Variants in LRP5 observed in about 807,000 individuals in gnomAD.
LRP5 encodes low-density lipoprotein receptor-related protein 5.
Under a neutral mutation model 154.1 loss-of-function variants are expected in LRP5, and 62 were observed. The observed-to-expected ratio is 0.40, with a 90% CI of 0.33 to 0.50. The LOEUF (loss-of-function observed/expected upper bound fraction) is 0.50, where lower values mean the gene tolerates loss of function less well. LRP5 is among the 20% of genes least tolerant of loss of function. The pLI is 0.55. For missense variants in LRP5, 1,915 were observed against 2,336.7 expected (o/e 0.82, Z 3.72); for synonymous variants, 966 against 1,011.5 (o/e 0.96, Z 0.85).
chr11:68,430,994 C>T (rs1324303578), intron 17 of LRP5, among the ~76,000 whole-genome samples: 1 of 152,186 alleles, frequency 6.6e-6, no homozygotes. Flanking sequence ...TGGACCCTGA[C>T]ACGTGATGCA....
intron 5 of LRP5, among the ~76,000 whole-genome samples, chr11:68,376,460 A>G (rs1200497654): frequency 2.0e-5 from 3 of 152,162 alleles, no homozygotes; most frequent in Non-Finnish European, 4.4e-5. Context: ...CTGGGATTAC[A>G]GGCATGAGCC....
At chr11:68,337,057 G>A (rs1343035160) in intron 1 of LRP5, among the ~76,000 whole-genome samples, 1 of 152,258 alleles carries the variant, frequency 6.6e-6, no homozygotes, top group African/African-American at 2.4e-5. Flanking sequence ...AAACGCCAGC[G>A]TTGATCTTTG....
At position 68,446,511 on chromosome 11, in the gene LRP5, C is replaced by T; in HGVS notation, c.4564C>T (p.Pro1522Ser). 6.2e-7 allele frequency: 1 copy of T among 1,614,108 alleles called. No individual in the cohort carries two copies. Among genetic ancestry groups the T allele is most frequent in the Non-Finnish European group, 8.5e-7 (1 of 1,179,972 alleles). The change falls in exon 22 of 23, where the codon CCG becomes TCG. Residue 1522 changes from proline to serine, a missense_variant. This residue lies in a region of LRP5 where 1,094 missense variants were observed against 1,210.1 expected (regional missense o/e 0.90). Transcript: ENST00000294304. The stretch of plus-strand genomic sequence containing the variant: ...GGACATGTTCTACTCTTCAAACATT[C>T]CGGCCACTGCGAGACCGTACAGGTA... ...NMDMFYSSNI[P>S]ATARPYRPYI...
chr11:68,425,800 G>C (rs760302089), intron 15 of LRP5, among the ~76,000 whole-genome samples, 178 bp from the exon 16 acceptor site: 1 of 151,970 alleles, frequency 6.6e-6, no homozygotes, highest in Non-Finnish European at 1.5e-5. Context: ...AGGGCTTTCC[G>C]AGGGCTTGTC....
At chr11:68,385,259 C>T (rs1484270763) in intron 5 of LRP5, among the ~76,000 whole-genome samples, 1 of 152,174 alleles carries the variant, frequency 6.6e-6, no homozygotes, top group East Asian at 1.9e-4. Flanking sequence ...CACTCTGAAC[C>T]CTGTCCACCT....
rs1182683425 is a variant in LRP5 at position 68,312,688 on chromosome 11, C to T, written c.-27C>T. ...CGCCATGGAGCCCGAGTGAGCGCGG[C>T]GCGGGCCCGTCCGGCCGCCGGACAA... On this transcript the variant is annotated 5_prime_UTR_variant, in exon 1 of 23. Transcript: ENST00000294304. The T allele has an allele frequency of 2.0e-6, 2 of 984,328 alleles. No homozygotes were observed. Among genetic ancestry groups the T allele is most frequent in the African/African-American group, 1.8e-5 (1 of 56,312 alleles). 61.0% of individuals were successfully genotyped at this position (984,328 alleles called of 1,614,324 possible).
rs533375680 is a variant in LRP5, at chr11:68,404,883, T to G, written c.1801+1184T>G. Reference sequence around the variant, plus strand: ...TACTCGGGAGGCTGAGGCAGGAGAATGGCGTGAACCCGGGAAGCGGAGCTT... The same window carrying G: ...TACTCGGGAGGCTGAGGCAGGAGAAGGGCGTGAACCCGGGAAGCGGAGCTT... On this transcript the variant is annotated intron_variant, in intron 8 of 22. Transcript: ENST00000294304. 1.4e-3 allele frequency among the ~76,000 whole-genome samples: 206 copies of G among 147,170 alleles called. 1 individual carries two copies. Among genetic ancestry groups the G allele is most frequent in the African/African-American group, 5.0e-3 (199 of 39,590 alleles).
At chr11:68,438,330 CCCACCCTCCA>C (rs1255816902) in intron 19 of LRP5, 106 bp from the exon 20 acceptor site, 13 of 1,030,040 alleles carry the variant, frequency 1.3e-5, no homozygotes, top group Non-Finnish European at 1.7e-5. Context: ...CCACTTTCTC[CCCACCCTCCA>C]CCAGTGGCAA....
In LRP5 at chr11:68,347,957, G is replaced by C; in HGVS notation, c.202G>C (p.Val68Leu). 6.2e-7 allele frequency: 1 copy of C among 1,614,146 alleles called. No individual in the cohort carries two copies. The highest frequency in any genetic ancestry group is 1.1e-5 in the South Asian group (1 of 91,090). Residue 68 changes from valine (V) to leucine (L), a missense_variant, in exon 2 of 23, where the codon GTG becomes CTG. Physicochemically the swap from Val to Leu is conservative, Grantham distance 32. Transcript: ENST00000294304. ...CAGCGGCCTGGAGGATGCGGCCGCAGTGGACTTCCAGTTTTCCAAGGGAGC... is the reference window on the plus strand; with the variant it reads ...CAGCGGCCTGGAGGATGCGGCCGCACTGGACTTCCAGTTTTCCAAGGGAGC... Reference protein sequence around the residue: ...VVSGLEDAAAVDFQFSKGAVY... With the variant: ...VVSGLEDAAALDFQFSKGAVY...
Position 68,435,549 on chromosome 11 carries a change from G to A in LRP5, c.4001-1340G>A, listed in dbSNP as rs1334017817. ...GAGAGGAGATGCCAGGCTCCTTTAAGTAACCAGCTCCCATGTGAACTCACA... is the reference window on the plus strand; with the variant it reads ...GAGAGGAGATGCCAGGCTCCTTTAAATAACCAGCTCCCATGTGAACTCACA... On this transcript the variant is annotated intron_variant, in intron 18 of 22. Transcript: ENST00000294304. Among the ~76,000 whole-genome samples the A allele has an allele frequency of 2.6e-5, 4 of 152,090 alleles. No individual in the cohort carries two copies. The South Asian group carries it at 6.2e-4, about 24-fold the overall frequency.
chr11:68,361,314 AATAAT>A (rs2098627974), intron 3 of LRP5, among the ~76,000 whole-genome samples: 2 of 148,354 alleles, frequency 1.3e-5, no homozygotes, highest in East Asian at 2.0e-4. Context: ...CAAAAAAAAA[AATAAT>A]AAAATAAAAT....
At chr11:68,324,927 C>T (rs2098598797) in intron 1 of LRP5, among the ~76,000 whole-genome samples, 1 of 152,216 alleles carries the variant, frequency 6.6e-6, no homozygotes, top group Non-Finnish European at 1.5e-5. Flanking sequence ...GGGCTCTGGG[C>T]GGCCTCCTTG....
intron 11 of LRP5, among the ~76,000 whole-genome samples, chr11:68,412,726 G>T (rs2098660328): frequency 6.6e-6 from 1 of 152,148 alleles, no homozygotes; most frequent in South Asian, 2.1e-4. Flanking sequence ...GACAAGGGAG[G>T]AGAGGGTCAC....
chr11:68,343,182 G>A lies in LRP5; in HGVS notation c.92-4665G>A, dbSNP rs1039630825. 7.9e-5 allele frequency among the ~76,000 whole-genome samples: 12 copies of A among 152,214 alleles called. 1 individual carries two copies. Among genetic ancestry groups the A allele is most frequent in the African/African-American group, 2.7e-4 (11 of 41,452 alleles). On this transcript the variant is annotated intron_variant, in intron 1 of 22. Coordinates refer to ENST00000294304, the MANE Select transcript of LRP5 (RefSeq NM_002335.4). ...GTCCCCCACCTGCTTGAGCACCCAC[G>A]GTGGTGGGGGCTCGCTGCCTCCCGA...
At chr11:68,428,558 A>G (rs1187220922) in intron 16 of LRP5, among the ~76,000 whole-genome samples, 3 of 151,570 alleles carry the variant, frequency 2.0e-5, no homozygotes, top group South Asian at 4.2e-4. Context: ...TCATGTGTCC[A>G]TCTCCTTTGT....
rs968113897 is a variant in LRP5, at chr11:68,433,894, C to G, written c.4000+56C>G. On this transcript the variant is annotated intron_variant, in intron 18 of 22. Transcript: ENST00000294304. The stretch of plus-strand genomic sequence containing the variant: ...GACCCTGGCCCTGCCCTCCGGGATA[C>G]GAGCTTGGGGCTGCCTCCGGCCTCA... 2.6e-6 allele frequency: 4 copies of G among 1,538,072 alleles called. No individual in the cohort carries two copies. The Admixed American group carries it at 7.2e-5, about 28-fold the overall frequency.
At chr11:68,418,671 T>C (rs1201992709) in intron 13 of LRP5, among the ~76,000 whole-genome samples, 1 of 152,078 alleles carries the variant, frequency 6.6e-6, no homozygotes, top group East Asian at 1.9e-4. Context: ...TACTGTGAGG[T>C]CTGTGTCCTT....
At chr11:68,393,625 A>T (rs1212998593) in intron 7 of LRP5, among the ~76,000 whole-genome samples, 1 of 152,088 alleles carries the variant, frequency 6.6e-6, no homozygotes, top group Non-Finnish European at 1.5e-5. Context: ...TACCAAAAAT[A>T]TAAAAATTAG....
In LRP5 at chr11:68,446,475, C is replaced by G. The variant is rs774530181; in HGVS notation, c.4528C>G (p.Leu1510Val). 1.9e-6 allele frequency: 3 copies of G among 1,614,170 alleles called. No individual in the cohort carries two copies. Among genetic ancestry groups the G allele is most frequent in the Non-Finnish European group, 2.5e-6 (3 of 1,180,002 alleles). The change falls in exon 22 of 23, where the codon CTG becomes GTG. Residue 1510 changes from leucine to valine, a missense_variant. Leu to Val is a conservative substitution (Grantham distance 32). Transcript: ENST00000294304. The stretch of plus-strand genomic sequence containing the variant: ...GCCCTCCCCGGCCACGGACCCCTCC[C>G]TGTACAACATGGACATGTTCTACTC... ...PPPSPATDPS[L>V]YNMDMFYSSN...
Sources: allele counts gnomAD v4.1 joint callset (sites outside exome capture counted in the v4.1 genomes callset), GRCh38; gene constraint gnomAD v4.1.1; regional missense constraint gnomAD v4.1.1; transcripts MANE v1.5; gene names NCBI Gene and HGNC (gene_info 2026-07-23, HGNC 2026-07-21).